KANSL1: variants seen among roughly 807,000 people sequenced by gnomAD.
The protein encoded by KANSL1 is MLL1/MLL complex subunit KANSL1.
In KANSL1, 22 loss-of-function variants were observed where a neutral mutation model predicts 103.6. The ratio of observed to expected loss-of-function variants is 0.21; its 90% confidence interval spans 0.15 to 0.30. KANSL1 has a LOEUF of 0.30. KANSL1 is among the 10% of genes least tolerant of loss of function. KANSL1 has a pLI of 1.00. For missense variants in KANSL1, 1,337 were observed against 1,399.8 expected (o/e 0.96, Z 0.72); for synonymous variants, 600 against 527.6 (o/e 1.14, Z -1.88).
intron 1 of KANSL1, among the ~76,000 whole-genome samples, chr17:46,179,863 G>A (rs2046698863): frequency 6.6e-6 from 1 of 151,822 alleles, no homozygotes; most frequent in Non-Finnish European, 1.5e-5. Context: ...GAGATCAGGA[G>A]ACCAGCCTGG....
At chr17:46,208,387 G>A (rs1322740175) in intron 1 of KANSL1, among the ~76,000 whole-genome samples, 1 of 152,130 alleles carries the variant, frequency 6.6e-6, no homozygotes, top group Admixed American at 6.5e-5. Context: ...CAAGGCCACA[G>A]CATCGCTTGA....
chr17:46,032,693 C>T (rs973053310), intron 13 of KANSL1: 5 of 328,328 alleles, frequency 1.5e-5, no homozygotes, highest in Admixed American at 4.3e-5. Context: ...TAGTGATGGA[C>T]GTTAAGGGGG....
intron 1 of KANSL1, among the ~76,000 whole-genome samples, chr17:46,186,278 G>A (rs1193698285): frequency 6.6e-6 from 1 of 151,796 alleles, no homozygotes; most frequent in Non-Finnish European, 1.5e-5. Flanking sequence ...AGCTACTCGG[G>A]AGGCTGAGGC....
intron 4 of KANSL1, among the ~76,000 whole-genome samples, chr17:46,077,515 C>T (rs1242021474): frequency 1.3e-5 from 2 of 152,136 alleles, no homozygotes; most frequent in Non-Finnish European, 2.9e-5. Flanking sequence ...ATTTTTACTA[C>T]AATGTTGTGA....
chr17:46,174,097 A>C (rs1243892254), intron 1 of KANSL1, among the ~76,000 whole-genome samples: 1 of 152,242 alleles, frequency 6.6e-6, no homozygotes, highest in Non-Finnish European at 1.5e-5. Context: ...ATAAAATCTG[A>C]ATTTTTTAGG....
intron 2 of KANSL1, among the ~76,000 whole-genome samples, chr17:46,152,584 G>C (rs994816639): frequency 1.0e-4 from 10 of 96,992 alleles, no homozygotes; most frequent in South Asian, 3.1e-4. Context: ...AGACACAAAG[G>C]GGGGGGGGGG....
At chr17:46,060,540 T>C (rs970320956) in intron 6 of KANSL1, among the ~76,000 whole-genome samples, 1 of 152,228 alleles carries the variant, frequency 6.6e-6, no homozygotes, top group Non-Finnish European at 1.5e-5. Context: ...TGTCCTAAGG[T>C]ACAATTTTCT....
intron 6 of KANSL1, among the ~76,000 whole-genome samples, chr17:46,062,865 C>A (rs1442908176): frequency 6.6e-6 from 1 of 151,746 alleles, no homozygotes; most frequent in East Asian, 2.0e-4. Context: ...GTCTGGCCAA[C>A]ACGGTGAAAC....
At chr17:46,090,277 C>T (rs2079331722) in intron 3 of KANSL1, among the ~76,000 whole-genome samples, 1 of 152,210 alleles carries the variant, frequency 6.6e-6, no homozygotes, top group South Asian at 2.1e-4. Flanking sequence ...CTTTTGACAC[C>T]ATAATTTCAG....
intron 1 of KANSL1, among the ~76,000 whole-genome samples, chr17:46,212,910 T>C (rs1026087829): frequency 9.2e-5 from 14 of 152,280 alleles, no homozygotes; most frequent in Admixed American, 9.2e-4. Context: ...CTGCATTCCT[T>C]TGATTACTTA....
chr17:46,212,575 CA>C (rs2048199057), intron 1 of KANSL1, among the ~76,000 whole-genome samples: 1 of 152,106 alleles, frequency 6.6e-6, no homozygotes, highest in Non-Finnish European at 1.5e-5. Context: ...TTAAATATAC[CA>C]TGATTTATTT....
chr17:46,137,366 C>T (rs2044199035), intron 2 of KANSL1, among the ~76,000 whole-genome samples: 1 of 152,210 alleles, frequency 6.6e-6, no homozygotes, highest in South Asian at 2.1e-4. Flanking sequence ...TTTTAGAGTG[C>T]ATACCTATTT....
chr17:46,215,952 G>A (rs1048576280), intron 1 of KANSL1, among the ~76,000 whole-genome samples: 1 of 152,160 alleles, frequency 6.6e-6, no homozygotes, highest in Non-Finnish European at 1.5e-5. Context: ...AGGCAAGAGA[G>A]TCGCTGGAAC....
chr17:46,109,398 G>A (rs774239731), intron 2 of KANSL1, among the ~76,000 whole-genome samples: 2 of 152,148 alleles, frequency 1.3e-5, no homozygotes, highest in Non-Finnish European at 2.9e-5. Context: ...TAACAGAATC[G>A]TGAATTATAT....
chr17:46,139,544 C>T (rs556234009), intron 2 of KANSL1, among the ~76,000 whole-genome samples: 12 of 152,296 alleles, frequency 7.9e-5, no homozygotes, highest in East Asian at 3.9e-4. Flanking sequence ...CTACTCAGCA[C>T]GAAGAAGCAG....
At chr17:46,196,328 G>C (rs1190526249), upstream of KANSL1, 1 of 456,346 alleles carries the variant, frequency 2.2e-6, no homozygotes, top group Non-Finnish European at 4.4e-6. Flanking sequence ...ACTCTATTCT[G>C]ATTAGTTTTA....
At chr17:46,064,072 CA>C (rs71786950) in intron 6 of KANSL1, among the ~76,000 whole-genome samples, 20,935 of 125,640 alleles carry the variant, frequency 0.17, 2,041 homozygotes, top group Middle Eastern at 0.25. Context: ...AAAAAAAAAA[CA>C]AAAAAAAACT....
chr17:46,108,418 CTATAAAATTGCAACCCCTCTCCAAAT>C (rs1205090072), intron 2 of KANSL1, among the ~76,000 whole-genome samples: 1 of 152,218 alleles, frequency 6.6e-6, no homozygotes, highest in Non-Finnish European at 1.5e-5. Flanking sequence ...CTTAACTGTC[CTATAAAATTGCAACCCCTCTCCAAAT>C]ACCCCCTACA....
intron 7 of KANSL1, chr17:46,045,112 G>C (rs2077456793): frequency 6.6e-6 from 1 of 151,942 alleles, no homozygotes; most frequent in African/African-American, 2.4e-5. Flanking sequence ...ACAAATGTTT[G>C]ACCTACACAG....
Sources: allele counts gnomAD v4.1 joint callset (sites outside exome capture counted in the v4.1 genomes callset), GRCh38; gene constraint gnomAD v4.1.1; transcripts MANE v1.5; gene names NCBI Gene and HGNC (gene_info 2026-07-23, HGNC 2026-07-21).